TNS3: variants seen among roughly 807,000 people sequenced by gnomAD.
TNS3 encodes the protein tensin 3.
Under a neutral mutation model 140.9 loss-of-function variants are expected in TNS3, and 45 were observed. That is an observed-to-expected ratio of 0.32 (90% CI 0.25 to 0.41). The LOEUF (loss-of-function observed/expected upper bound fraction) is 0.41. Among genes scored for constraint, TNS3 ranks in the 10% least tolerant of loss-of-function variants. TNS3 has a pLI of 1.00. For missense variants in TNS3, 1,716 were observed against 1,906.7 expected, an observed-to-expected ratio of 0.90 and a Z score of 1.86; for synonymous variants, 815 against 788.4, an observed-to-expected ratio of 1.03 and a Z score of -0.56.
chr7:47,415,430 T>G (rs1258224739), intron 10 of TNS3, among the ~76,000 whole-genome samples: 2 of 152,192 alleles, frequency 1.3e-5, no homozygotes, highest in Non-Finnish European at 2.9e-5. Context: ...ACAACCGGCC[T>G]CTTGGCTTGA....
chr7:47,404,295 T>C (rs1293574167), intron 13 of TNS3, among the ~76,000 whole-genome samples: 1 of 152,240 alleles, frequency 6.6e-6, no homozygotes, highest in African/African-American at 2.4e-5. Flanking sequence ...CTTTAGACTT[T>C]AAATTCTCTG....
chr7:47,542,048 G>C (rs150849066), intron 1 of TNS3, among the ~76,000 whole-genome samples: 11 of 152,028 alleles, frequency 7.2e-5, no homozygotes, highest in African/African-American at 2.7e-4. Flanking sequence ...GCTTCCATGC[G>C]TCGTGGGATG....
chr7:47,462,876 C>T (rs1484447255), intron 4 of TNS3, among the ~76,000 whole-genome samples: 1 of 152,192 alleles, frequency 6.6e-6, no homozygotes, highest in African/African-American at 2.4e-5. Flanking sequence ...CATAGGTTCA[C>T]AGAAGGCAGC....
At chr7:47,496,721 T>C (rs907178433) in intron 3 of TNS3, among the ~76,000 whole-genome samples, 1 of 152,168 alleles carries the variant, frequency 6.6e-6, no homozygotes, top group Non-Finnish European at 1.5e-5. Context: ...TACCTGCTCG[T>C]CAGGGGCTTG....
At chr7:47,538,159 C>T (rs1799673067) in intron 1 of TNS3, among the ~76,000 whole-genome samples, 1 of 152,150 alleles carries the variant, frequency 6.6e-6, no homozygotes, top group Admixed American at 6.5e-5. Context: ...CTTAGAAACG[C>T]CAGGAGGAGA....
At chr7:47,419,279 A>G (rs1475479522) in intron 10 of TNS3, among the ~76,000 whole-genome samples, 1 of 152,232 alleles carries the variant, frequency 6.6e-6, no homozygotes, top group Non-Finnish European at 1.5e-5. Flanking sequence ...GCCCAGGCAA[A>G]GTGTGTGGCT....
chr7:47,279,935 T>C (rs1785051863), intron 30 of TNS3: 2 of 599,152 alleles, frequency 3.3e-6, no homozygotes, highest in East Asian at 2.9e-5. Context: ...CACAGTGTTA[T>C]ATGACACATG....
chr7:47,340,576 C>CTTTTTTTCTTTT (rs1584436651), intron 20 of TNS3, among the ~76,000 whole-genome samples: 1 of 130,224 alleles, frequency 7.7e-6, no homozygotes, highest in East Asian at 2.2e-4. Flanking sequence ...CTGGGATTTT[C>CTTTTTTTCTTTT]TTTTTTTTCT....
At position 47,566,106 on chromosome 7, in the gene TNS3, G is replaced by A. The variant is rs571639641; in HGVS notation, c.-265+15945C>T. Among the ~76,000 whole-genome samples the A allele has an allele frequency of 1.0e-3, 156 of 152,318 alleles. 1 individual carries two copies. Among genetic ancestry groups the A allele is most frequent in the African/African-American group, 3.4e-3 (142 of 41,570 alleles). ...GCAACCCAAAGTGTCTGACGCAGGAGGTCTGTCTGGGGTGGAACCCAGAAC... is the reference window on the plus strand; with the variant it reads ...GCAACCCAAAGTGTCTGACGCAGGAAGTCTGTCTGGGGTGGAACCCAGAAC... On this transcript the variant is annotated intron_variant, in intron 1 of 30. Coordinates refer to ENST00000311160, the MANE Select transcript of TNS3 (RefSeq NM_022748.12).
rs1315996198 is a variant in TNS3 at position 47,302,219 on chromosome 7, A to T, written c.3511T>A (p.Phe1171Ile). The T allele has an allele frequency of 6.2e-7, 1 of 1,614,110 alleles. No homozygotes were observed. Among genetic ancestry groups the T allele is most frequent in the Non-Finnish European group, 8.5e-7 (1 of 1,180,040 alleles). The change falls in exon 23 of 31, where the codon TTC becomes ATC. Residue 1171 changes from phenylalanine (F) to isoleucine (I), a missense_variant. Phe to Ile is a conservative substitution (Grantham distance 21). Transcript: ENST00000311160. ...CTTGAAATATCCGCCTTGTACCAGA[A>T]CTTGGAAGTGTCTTGAACAAATTTC... ...IVKFVQDTSK[F>I]WYKADISREQ...
At chr7:47,388,964 C>CAGAAGCAGA (rs146866688) in intron 16 of TNS3, among the ~76,000 whole-genome samples, 5,958 of 104,246 alleles carry the variant, frequency 0.057, 74 homozygotes, top group Middle Eastern at 0.12. Context: ...ACAGAAGAAG[C>CAGAAGCAGA]AGAAGCAGAA....
intron 13 of TNS3, among the ~76,000 whole-genome samples, chr7:47,405,890 C>T (rs1793420995): frequency 6.6e-6 from 1 of 152,110 alleles, no homozygotes; most frequent in Non-Finnish European, 1.5e-5. Context: ...GTTCTAGAGC[C>T]AGCAACCATG....
chr7:47,374,069 C>T (rs917353596), intron 16 of TNS3, among the ~76,000 whole-genome samples: 1 of 152,204 alleles, frequency 6.6e-6, no homozygotes, highest in East Asian at 1.9e-4. Context: ...GGCTGGTCTC[C>T]AACTGATAAT....
intron 20 of TNS3, among the ~76,000 whole-genome samples, chr7:47,334,333 A>G (rs1440907678): frequency 1.3e-5 from 2 of 152,184 alleles, no homozygotes; most frequent in Non-Finnish European, 2.9e-5. Context: ...TGCAAAATAT[A>G]TAAAGGCATC....
At chr7:47,427,051 G>A (rs1432906218) in intron 9 of TNS3, among the ~76,000 whole-genome samples, 1 of 150,450 alleles carries the variant, frequency 6.6e-6, no homozygotes, top group East Asian at 2.0e-4. Context: ...GCTTGAACCC[G>A]GGAAGCAGAG....
rs1800022871 is a variant in TNS3 at position 47,550,062 on chromosome 7, T to A, written c.-264-20915A>T. On this transcript the variant is annotated intron_variant, in intron 1 of 30. Coordinates refer to ENST00000311160, the MANE Select transcript of TNS3 (RefSeq NM_022748.12). The stretch of plus-strand genomic sequence containing the variant: ...ACTCAGCTAAACATTGGTCCCCAAA[T>A]GCAACACTGAGGTCTCCCCTGCGAG... Among the ~76,000 whole-genome samples, 3 of 133,904 alleles carry A rather than the reference T, an allele frequency of 2.2e-5. No individual in the cohort carries two copies. In the South Asian group the frequency reaches 8.2e-4, roughly 36 times the overall value. The allele number at this position is 133,904 out of a possible 152,430, so 87.8% of individuals were successfully genotyped here.
chr7:47,526,133 T>C (rs987431550), intron 2 of TNS3, among the ~76,000 whole-genome samples: 28 of 152,344 alleles, frequency 1.8e-4, no homozygotes, highest in Admixed American at 6.5e-5. Flanking sequence ...ACTCTGAAAA[T>C]AGTCAATACT....
intron 27 of TNS3, among the ~76,000 whole-genome samples, chr7:47,285,441 T>A (rs1422283513): frequency 1.3e-5 from 2 of 152,132 alleles, no homozygotes; most frequent in African/African-American, 4.8e-5. Context: ...TCTCACGAGA[T>A]CTGATGATTT....
At chr7:47,281,215 C>A (rs919049935) in intron 28 of TNS3, among the ~76,000 whole-genome samples, 3 of 152,204 alleles carry the variant, frequency 2.0e-5, no homozygotes, top group African/African-American at 7.2e-5. Context: ...ACTGATACGA[C>A]CCCCATAGAG....
Sources: allele counts gnomAD v4.1 joint callset (sites outside exome capture counted in the v4.1 genomes callset), GRCh38; gene constraint gnomAD v4.1.1; transcripts MANE v1.5; gene names NCBI Gene and HGNC (gene_info 2026-07-23, HGNC 2026-07-21).